The following SLC28A1 variants were observed in gnomAD, a reference collection of about 807,000 sequenced individuals.
SLC28A1 encodes solute carrier family 28 member 1, also known as sodium/nucleoside cotransporter 1.
In SLC28A1, 64 loss-of-function variants were observed where a neutral mutation model predicts 74.8. The observed-to-expected ratio is 0.86, with a 90% confidence interval of 0.70 to 1.05. The LOEUF (loss-of-function observed/expected upper bound fraction) is 1.05, where lower values mean the gene tolerates loss of function less well. Among genes scored for constraint, SLC28A1 ranks in the 50% least tolerant of loss-of-function variants. The probability of loss-of-function intolerance (pLI) is 0.00; values close to 1 mark genes in which losing one functional copy is unlikely to be tolerated. For synonymous variants in SLC28A1, 359 were observed against 335.0 expected, an observed-to-expected ratio of 1.07 and a Z score of -0.78; for missense variants, 828 against 822.8, an observed-to-expected ratio of 1.01 and a Z score of -0.08.
chr15:84,972,185 C>T, the SLC28A1 span, among the ~76,000 whole-genome samples: 2 of 152,222 alleles, frequency 1.3e-5, no homozygotes, highest in Non-Finnish European at 2.9e-5. Flanking sequence ...GCCTTCTCAT[C>T]TCTTCAGTAC....
intron 8 of SLC28A1, among the ~76,000 whole-genome samples, chr15:84,906,190 T>G (rs1005479036): frequency 5.9e-5 from 9 of 151,854 alleles, no homozygotes; most frequent in African/African-American, 2.2e-4. Context: ...TGGCTAATGT[T>G]TATATTTTTA....
chr15:84,924,570 T>C (rs991390850), intron 12 of SLC28A1, among the ~76,000 whole-genome samples: 1 of 152,196 alleles, frequency 6.6e-6, no homozygotes, highest in Admixed American at 6.5e-5. Flanking sequence ...TCCTAAATTA[T>C]TGCCTGTGCA....
At chr15:84,906,565 TCTTTCTTTCTTC>T (rs1224215346) in intron 8 of SLC28A1, among the ~76,000 whole-genome samples, 2 of 16,716 alleles carry the variant, frequency 1.2e-4, no homozygotes, top group African/African-American at 3.0e-4. Context: ...TCTTTCTTTC[TCTTTCTTTCTTC>T]CTTCCTTCCT....
At chr15:84,957,006 T>G in the SLC28A1 span, among the ~76,000 whole-genome samples, 1 of 152,158 alleles carries the variant, frequency 6.6e-6, no homozygotes, top group Non-Finnish European at 1.5e-5. Flanking sequence ...TACCTTGTTT[T>G]TTTGTTTTTG....
At chr15:84,961,493 G>A in the SLC28A1 span, 1 of 453,554 alleles carries the variant, frequency 2.2e-6, no homozygotes, top group Non-Finnish European at 4.4e-6. Flanking sequence ...CGTCACACCT[G>A]GCTAATATTT....
intron 12 of SLC28A1, among the ~76,000 whole-genome samples, chr15:84,924,897 A>ATTTTTTTTTTTTTT (rs756910084): frequency 7.2e-6 from 1 of 139,790 alleles, no homozygotes; most frequent in Non-Finnish European, 1.6e-5. Flanking sequence ...TTTTTTATTA[A>ATTTTTTTTTTTTTT]TTTTTTTTGT....
chr15:84,913,410 C>T (rs916550026), intron 9 of SLC28A1, among the ~76,000 whole-genome samples: 28 of 152,252 alleles, frequency 1.8e-4, no homozygotes, highest in Middle Eastern at 3.4e-3. Context: ...GTTTATCTGG[C>T]CTTCAAAGCC....
Position 84,885,535 on chromosome 15 carries a change from C to T in SLC28A1, c.-133+784C>T, listed in dbSNP as rs1964493971. Among the ~76,000 whole-genome samples the T allele has an allele frequency of 2.6e-5, 4 of 151,656 alleles. No individual in the cohort carries two copies. The South Asian group carries it at 8.3e-4, about 32-fold the overall frequency. On this transcript the variant is annotated intron_variant, in intron 1 of 18. Coordinates refer to ENST00000394573, the MANE Select transcript of SLC28A1 (RefSeq NM_004213.5). The stretch of plus-strand genomic sequence containing the variant: ...CCACCTGAGGTTGGAAGTTCGAGAC[C>T]AGCCTGACCAACATGGAGAAACCCC...
chr15:84,902,321 A>C (rs1966761839), intron 6 of SLC28A1, among the ~76,000 whole-genome samples: 2 of 152,244 alleles, frequency 1.3e-5, no homozygotes, highest in South Asian at 4.2e-4. Flanking sequence ...CTCTTCTAAA[A>C]ATACAAAAAT....
the SLC28A1 span, among the ~76,000 whole-genome samples, chr15:84,963,628 C>T: frequency 8.7e-4 from 126 of 145,324 alleles, 1 homozygote; most frequent in Admixed American, 1.7e-3. Context: ...GGTCCAGCTG[C>T]CCCCCCGAGC....
At chr15:84,902,494 G>T (rs1039252323) in intron 6 of SLC28A1, among the ~76,000 whole-genome samples, 1 of 146,042 alleles carries the variant, frequency 6.8e-6, no homozygotes, top group African/African-American at 2.5e-5. Context: ...AAAAAAAAAT[G>T]CAGACTAATC....
chr15:84,946,059 CAT>C (rs1337331938), downstream of SLC28A1, among the ~76,000 whole-genome samples: 21 of 77,338 alleles, frequency 2.7e-4, no homozygotes, highest in African/African-American at 1.0e-3. Flanking sequence ...TATATACATA[CAT>C]ATATATATAT....
chr15:84,900,168 TA>T lies in SLC28A1; in HGVS notation c.462-3922del, dbSNP rs527550677. The stretch of plus-strand genomic sequence containing the variant: ...CCTGTCTCTAATAAAAATATATATA[TA>T]AAAAAATTAGCCAGGCATGGTGGCA... On this transcript the variant is annotated intron_variant, in intron 6 of 18. Coordinates refer to ENST00000394573, the MANE Select transcript of SLC28A1 (RefSeq NM_004213.5). Among the ~76,000 whole-genome samples, 459 of 150,742 alleles carry T rather than the reference TA, an allele frequency of 3.0e-3. 2 individuals carry two copies. Among genetic ancestry groups the T allele is most frequent in the African/African-American group, 0.011 (439 of 41,034 alleles).
rs1443381146 is a variant in SLC28A1, at chr15:84,945,146, A to G, written c.1896A>G (p.Pro632=). Residue 632 remains proline (P), a synonymous_variant, in exon 19 of 19, where the codon CCA becomes CCG. Coordinates refer to ENST00000394573, the MANE Select transcript of SLC28A1 (RefSeq NM_004213.5). ...AFQSVNPEFS[P]EALDNCCRFY... ...TTAGCGTCAATCCAGAGTTCAGCCC[A>G]GAGGCCCTGGACAACTGCTGTCGGT... The G allele has an allele frequency of 6.2e-7, 1 of 1,614,106 alleles. No individual in the cohort carries two copies. Among genetic ancestry groups the G allele is most frequent in the Non-Finnish European group, 8.5e-7 (1 of 1,180,010 alleles).
intron 5 of SLC28A1, among the ~76,000 whole-genome samples, chr15:84,894,303 C>T (rs1263527094): frequency 1.3e-5 from 2 of 148,298 alleles, no homozygotes; most frequent in Non-Finnish European, 3.0e-5. Flanking sequence ...ACCCAGGAGG[C>T]AGAGTTTGCA....
At chr15:84,903,644 G>C (rs1966847007) in intron 6 of SLC28A1, among the ~76,000 whole-genome samples, 1 of 152,162 alleles carries the variant, frequency 6.6e-6, no homozygotes. Context: ...CACATCACAT[G>C]CTTCTAGGCA....
At chr15:84,906,923 T>C (rs1967341591) in intron 8 of SLC28A1, among the ~76,000 whole-genome samples, 1 of 152,198 alleles carries the variant, frequency 6.6e-6, no homozygotes, top group Admixed American at 6.5e-5. Flanking sequence ...TTATTTGTGA[T>C]TTTAGAATTA....
intron 2 of SLC28A1, 83 bp from the exon 3 acceptor site, chr15:84,887,662 C>T: frequency 4.5e-6 from 7 of 1,569,542 alleles, no homozygotes; most frequent in Non-Finnish European, 6.1e-6. Context: ...CCCACTCAGT[C>T]CTCTCCCCTT....
intron 9 of SLC28A1, among the ~76,000 whole-genome samples, chr15:84,913,765 C>T (rs1968689463): frequency 6.6e-6 from 1 of 152,150 alleles, no homozygotes; most frequent in Non-Finnish European, 1.5e-5. Flanking sequence ...ATCCAGGAGG[C>T]CATAAACTGG....
Sources: gnomAD v4.1 joint callset for allele counts (sites outside exome capture counted in the v4.1 genomes callset) on GRCh38, gnomAD v4.1.1 for gene constraint, MANE v1.5 for transcripts, NCBI Gene and HGNC (gene_info 2026-07-23, HGNC 2026-07-21) for gene names.